The following ZNF778 variants were observed in gnomAD, a reference collection of about 807,000 sequenced individuals.
ZNF778 encodes the protein zinc finger protein 778.
A neutral mutation model predicts 23.9 loss-of-function variants in ZNF778; 37 were observed. That is an observed-to-expected ratio of 1.54 (90% CI 1.19 to 2.03). The LOEUF (loss-of-function observed/expected upper bound fraction) is 2.03, where lower values mean the gene tolerates loss of function less well. ZNF778 is among the 30% of genes most tolerant of loss of function. The pLI is 0.00. For missense variants in ZNF778, 1,297 were observed against 934.4 expected, an observed-to-expected ratio of 1.39 and a Z score of -5.06; for synonymous variants, 483 against 343.9, an observed-to-expected ratio of 1.40 and a Z score of -4.48.
chr16:89,219,011 GC>G (rs1283962407), intron 1 of ZNF778, among the ~76,000 whole-genome samples: 1 of 152,002 alleles, frequency 6.6e-6, no homozygotes, highest in Non-Finnish European at 1.5e-5. Context: ...GGAGGCTGAG[GC>G]AGGAGAATCG....
In ZNF778 at chr16:89,228,160, G is replaced by A. The variant is rs1315014817; in HGVS notation, c.1872G>A (p.Lys624=). The A allele has an allele frequency of 6.2e-7, 1 of 1,613,192 alleles. No homozygotes were observed. The highest frequency in any genetic ancestry group is 8.5e-7 in the Non-Finnish European group (1 of 1,179,572). Residue 624 remains lysine, a synonymous_variant, in exon 7 of 7, where the codon AAG becomes AAA. Coordinates refer to ENST00000433976, the MANE Select transcript of ZNF778 (RefSeq NM_001201407.2). ...EKPYECKVCG[K]AFTTSSHLIV... ...CTTATGAATGTAAAGTATGCGGAAA[G>A]GCCTTCACCACATCCTCACACCTTA...
At chr16:89,222,291 C>G (rs985050714) in intron 3 of ZNF778, 108 bp downstream of exon 3, 20 of 756,554 alleles carry the variant, frequency 2.6e-5, no homozygotes, top group Middle Eastern at 7.4e-4. Flanking sequence ...AGGACCGAGT[C>G]CCTAGTTGAA....
intron 6 of ZNF778, among the ~76,000 whole-genome samples, 198 bp from the exon 7 acceptor site, chr16:89,226,496 C>T (rs774377406): frequency 2.6e-4 from 40 of 152,190 alleles, no homozygotes; most frequent in Admixed American, 4.6e-4. Flanking sequence ...TGAGCTGCTG[C>T]GCCCGTCCTG....
intron 1 of ZNF778, among the ~76,000 whole-genome samples, chr16:89,220,675 G>C (rs4785771): frequency 0.77 from 116,342 of 152,034 alleles, 46,427 homozygotes; most frequent in Non-Finnish European, 0.88. Flanking sequence ...CAAAACCTGT[G>C]ACGAGATGGT....
rs2031753681 is a variant in ZNF778, at chr16:89,229,031, CAT to C, written c.*470_*471del. 18 of 991,536 alleles carry C rather than the reference CAT, an allele frequency of 1.8e-5. No homozygotes were observed. Among genetic ancestry groups the C allele is most frequent in the African/African-American group, 3.5e-5 (2 of 57,416 alleles). 61.4% of individuals were successfully genotyped at this position (991,536 alleles called of 1,614,324 possible). ...TAAAACCTTGTGGGCTAACTTGAGA[CAT>C]GTCTTTCTGGGGGTTCTGTAGACGT... On this transcript the variant is annotated 3_prime_UTR_variant, in exon 7 of 7. Coordinates refer to ENST00000433976, the MANE Select transcript of ZNF778 (RefSeq NM_001201407.2).
chr16:89,225,460 T>C (rs996810710), intron 5 of ZNF778, 95 bp from the exon 6 acceptor site: 4 of 1,041,870 alleles, frequency 3.8e-6, no homozygotes, highest in South Asian at 1.5e-5. Flanking sequence ...ACTCCTTAAA[T>C]CTATCTTTGC....
In ZNF778 at chr16:89,218,087, C is replaced by T. The variant is rs535210596; in HGVS notation, c.-132+177C>T. On this transcript the variant is annotated intron_variant, in intron 1 of 6. Coordinates refer to ENST00000433976, the MANE Select transcript of ZNF778 (RefSeq NM_001201407.2). The stretch of plus-strand genomic sequence containing the variant: ...CCCTGTGAAAGTTAGCCCGTGGGGG[C>T]CAGCGGGAGCGCGCGTCCCTCGCCG... Among the ~76,000 whole-genome samples the T allele has an allele frequency of 7.9e-5, 12 of 152,374 alleles. No individual in the cohort carries two copies. In the South Asian group the frequency reaches 2.5e-3, roughly 32 times the overall value.
At position 89,233,854 on chromosome 16, in the gene ZNF778, T is replaced by A; in HGVS notation, c.*5292T>A. 1 of 1,290,212 alleles carries A rather than the reference T, an allele frequency of 7.8e-7. No homozygotes were observed. Among genetic ancestry groups the A allele is most frequent in the Non-Finnish European group, 1.0e-6 (1 of 989,376 alleles). The allele number at this position is 1,290,212 out of a possible 1,614,324, so 79.9% of individuals were successfully genotyped here. ...AGTACTTATTTCCGGCCACTTCCTT[T>A]TTCTAACTACCACACCAAGCCAGTA... On this transcript the variant is annotated 3_prime_UTR_variant, in exon 7 of 7. Coordinates refer to ENST00000433976, the MANE Select transcript of ZNF778 (RefSeq NM_001201407.2).
At chr16:89,226,041 A>G (rs1016710775) in intron 6 of ZNF778, among the ~76,000 whole-genome samples, 2 of 151,846 alleles carry the variant, frequency 1.3e-5, no homozygotes, top group African/African-American at 4.8e-5. Context: ...CCTCCCAAGT[A>G]GCTGGAACTA....
chr16:89,221,035 G>A lies in ZNF778; in HGVS notation c.-93G>A. 1 of 1,422,172 alleles carries A rather than the reference G, an allele frequency of 7.0e-7. No homozygotes were observed. The highest frequency in any genetic ancestry group is 2.5e-5 in the East Asian group (1 of 39,846). The allele number at this position is 1,422,172 out of a possible 1,614,324, so 88.1% of individuals were successfully genotyped here. A position where few individuals can be genotyped will look rare whatever the true frequency, so the allele number is the denominator to read the frequency against. ...AGCCATCCGTGGGTCAGGAGGAATGGAGACTGTACCTTCCACATAGATTCA... is the reference window on the plus strand; with the variant it reads ...AGCCATCCGTGGGTCAGGAGGAATGAAGACTGTACCTTCCACATAGATTCA... On this transcript the variant is annotated 5_prime_UTR_variant, in exon 2 of 7. Transcript: ENST00000433976.
Position 89,233,349 on chromosome 16 carries a change from G to A in ZNF778, c.*4787G>A, listed in dbSNP as rs552779559. 7.8e-7 allele frequency: 1 copy of A among 1,281,450 alleles called. No individual in the cohort carries two copies. The highest frequency in any genetic ancestry group is 1.6e-5 in the African/African-American group (1 of 61,310). The allele number at this position is 1,281,450 out of a possible 1,614,324, so 79.4% of individuals were successfully genotyped here. ...TCGCTCTGCGTATGCAACTCAGCTC[G>A]CACTGCGTATGCAACTCGCACTGCG... On this transcript the variant is annotated 3_prime_UTR_variant, in exon 7 of 7. Coordinates refer to ENST00000433976, the MANE Select transcript of ZNF778 (RefSeq NM_001201407.2).
Position 89,227,191 on chromosome 16 carries a change from A to G in ZNF778, c.903A>G (p.Gln301=). ...RYTAYLTGRV[Q]VHPGEKPCEL... ...CTGCCTACCTTACTGGTCGCGTGCA[A>G]GTCCACCCTGGGGAAAAGCCCTGTG... The change falls in exon 7 of 7, where the codon CAA becomes CAG. Residue 301 remains glutamine (Q), a synonymous_variant. Transcript: ENST00000433976. The G allele has an allele frequency of 6.2e-7, 1 of 1,614,008 alleles. No homozygotes were observed. The highest frequency in any genetic ancestry group is 8.5e-7 in the Non-Finnish European group (1 of 1,179,874).
rs1396731098 is a variant in ZNF778 at position 89,221,085 on chromosome 16, C to G, written c.-43C>G. On this transcript the variant is annotated 5_prime_UTR_variant, in exon 2 of 7. Transcript: ENST00000433976. Reference sequence around the variant, plus strand: ...ACAAGCTGCCCTGCAGTGGCCTTGGCTTCAGGAAAGGAGCATTCAGACGCT... The same window carrying G: ...ACAAGCTGCCCTGCAGTGGCCTTGGGTTCAGGAAAGGAGCATTCAGACGCT... The G allele has an allele frequency of 6.4e-7, 1 of 1,558,880 alleles. No homozygotes were observed. The highest frequency in any genetic ancestry group is 1.9e-5 in the Admixed American group (1 of 52,002).
chr16:89,221,197 C>T, intron 2 of ZNF778, 45 bp downstream of exon 2: 1 of 1,445,986 alleles, frequency 6.9e-7, no homozygotes, highest in Non-Finnish European at 9.2e-7. Context: ...GCTCTAGGTC[C>T]TGATACACAG....
rs1156440277 is a variant in ZNF778 at position 89,234,141 on chromosome 16, C to T, written c.*5579C>T. The T allele has an allele frequency of 2.2e-6, 1 of 451,794 alleles. No individual in the cohort carries two copies. Among genetic ancestry groups the T allele is most frequent in the Admixed American group, 2.5e-5 (1 of 40,378 alleles). 28.0% of individuals were successfully genotyped at this position (451,794 alleles called of 1,614,324 possible). A position where few individuals can be genotyped will look rare whatever the true frequency, so the allele number is the denominator to read the frequency against. Reference sequence around the variant, plus strand: ...ACTGTGAGTGATAAACTTTCCATGTCAGGAACCTGTGTGTGTCACTCACTC... The same window carrying T: ...ACTGTGAGTGATAAACTTTCCATGTTAGGAACCTGTGTGTGTCACTCACTC... On this transcript the variant is annotated 3_prime_UTR_variant, in exon 7 of 7. Coordinates refer to ENST00000433976, the MANE Select transcript of ZNF778 (RefSeq NM_001201407.2).
chr16:89,226,691 C>G lies in ZNF778; in HGVS notation c.406-3C>G. ...CTGACCACCACTCATTCTTCACCAA[C>G]AGGCAAGAAGCCACAATGGAGGGCA... On this transcript the variant is annotated splice_region_variant and splice_polypyrimidine_tract_variant and intron_variant, in intron 6 of 6. Transcript: ENST00000433976. 6.2e-7 allele frequency: 1 copy of G among 1,603,868 alleles called. No homozygotes were observed. Among genetic ancestry groups the G allele is most frequent in the Non-Finnish European group, 8.5e-7 (1 of 1,173,576 alleles).
rs1310521646 is a variant in ZNF778 at position 89,232,931 on chromosome 16, C to G, written c.*4369C>G. 10 of 1,269,094 alleles carry G rather than the reference C, an allele frequency of 7.9e-6. No individual in the cohort carries two copies. The African/African-American group carries it at 1.6e-4, about 20-fold the overall frequency. 78.6% of individuals were successfully genotyped at this position (1,269,094 alleles called of 1,614,324 possible). On this transcript the variant is annotated 3_prime_UTR_variant, in exon 7 of 7. Coordinates refer to ENST00000433976, the MANE Select transcript of ZNF778 (RefSeq NM_001201407.2). Reference sequence around the variant, plus strand: ...CTCAACTCGCACTGCGTATGCGAATCCACTCACTGCCTATGCAACTCAGCT... The same window carrying G: ...CTCAACTCGCACTGCGTATGCGAATGCACTCACTGCCTATGCAACTCAGCT...
rs369955953 is a variant in ZNF778, at chr16:89,226,882, C to T, written c.594C>T (p.Ser198=). 120 of 1,613,894 alleles carry T rather than the reference C, an allele frequency of 7.4e-5. No individual in the cohort carries two copies. The highest frequency in any genetic ancestry group is 9.4e-5 in the Non-Finnish European group (111 of 1,179,906). Residue 198 remains serine (S), a synonymous_variant, in exon 7 of 7, where the codon TCC becomes TCT. Coordinates refer to ENST00000433976, the MANE Select transcript of ZNF778 (RefSeq NM_001201407.2). ...KTLFKIGEQF[S]VLGQCGKAFS... is the part of the protein sequence containing the mutation. ...TGTTCAAAATTGGAGAGCAGTTTTC[C>T]GTGTTGGGTCAGTGTGGAAAAGCCT...
intron 4 of ZNF778, among the ~76,000 whole-genome samples, chr16:89,223,860 C>T (rs553748366): frequency 7.9e-4 from 96 of 121,776 alleles, no homozygotes; most frequent in African/African-American, 2.4e-3. Context: ...GGTGACAGAG[C>T]GAGACTCCAT....
Sources: allele counts gnomAD v4.1 joint callset (sites outside exome capture counted in the v4.1 genomes callset), GRCh38; gene constraint gnomAD v4.1.1; transcripts MANE v1.5; gene names NCBI Gene and HGNC (gene_info 2026-07-23, HGNC 2026-07-21).